Variants in CCDC18 observed in about 807,000 individuals in gnomAD.
CCDC18 encodes coiled-coil domain-containing protein 18.
Under a neutral mutation model 196.0 loss-of-function variants are expected in CCDC18, and 157 were observed. The observed-to-expected ratio is 0.80, with a 90% CI of 0.70 to 0.91. CCDC18 has a LOEUF of 0.91. Among genes scored for constraint, CCDC18 ranks in the 40% least tolerant of loss-of-function variants. The pLI is 0.00. For missense variants in CCDC18, 1,465 were observed against 1,611.6 expected (o/e 0.91, Z 1.56); for synonymous variants, 482 against 529.2 (o/e 0.91, Z 1.22).
intron 5 of CCDC18, 103 bp from the exon 6 acceptor site, chr1:93,193,513 A>T: frequency 1.4e-6 from 1 of 692,656 alleles, no homozygotes; most frequent in Non-Finnish European, 2.2e-6. Flanking sequence ...TGTTTCTCTT[A>T]ACTCATTGAT....
intron 28 of CCDC18, among the ~76,000 whole-genome samples, chr1:93,277,770 C>A (rs1048406461): frequency 6.6e-6 from 1 of 152,024 alleles, no homozygotes; most frequent in African/African-American, 2.4e-5. Context: ...TTGTCTCTGT[C>A]TGCTCTTTTT....
At chr1:93,196,048 T>C (rs1023516101) in intron 6 of CCDC18, among the ~76,000 whole-genome samples, 4 of 152,178 alleles carry the variant, frequency 2.6e-5, no homozygotes, top group African/African-American at 9.6e-5. Flanking sequence ...GCAGACTGGA[T>C]GCGGAGGCTA....
intron 1 of CCDC18, 85 bp downstream of exon 1, chr1:93,180,937 C>G: frequency 4.7e-6 from 6 of 1,271,760 alleles, no homozygotes; most frequent in Non-Finnish European, 6.3e-6. Flanking sequence ...GAGTTCTGTT[C>G]CTTTCCCTCC....
rs577209978 is a variant in CCDC18 at position 93,278,730 on chromosome 1, A to G, written c.*253A>G. 10 of 344,140 alleles carry G rather than the reference A, an allele frequency of 2.9e-5. No individual in the cohort carries two copies. The highest frequency in any genetic ancestry group is 1.5e-4 in the South Asian group (1 of 6,800). The allele number at this position is 344,140 out of a possible 1,614,324, so 21.3% of individuals were successfully genotyped here. A position where few individuals can be genotyped will look rare whatever the true frequency, so the allele number is the denominator to read the frequency against. ...TATATAAAAATCATTGTTAAAATGCATAAGTACATTGAGGAATGCAAATTT... is the reference window on the plus strand; with the variant it reads ...TATATAAAAATCATTGTTAAAATGCGTAAGTACATTGAGGAATGCAAATTT... On this transcript the variant is annotated 3_prime_UTR_variant, in exon 29 of 29. Coordinates refer to ENST00000690025, the MANE Select transcript of CCDC18 (RefSeq NM_001378204.1).
intron 23 of CCDC18, among the ~76,000 whole-genome samples, chr1:93,252,488 C>T (rs536569446): frequency 6.6e-6 from 1 of 151,610 alleles, no homozygotes; most frequent in East Asian, 1.9e-4. Flanking sequence ...TTATTTTATT[C>T]TCTGTTAAGT....
At chr1:93,258,537 A>T (rs941541931) in intron 25 of CCDC18, among the ~76,000 whole-genome samples, 7 of 152,184 alleles carry the variant, frequency 4.6e-5, no homozygotes, top group African/African-American at 1.7e-4. Flanking sequence ...CATCTATTTT[A>T]TGATGACAGC....
intron 1 of CCDC18, among the ~76,000 whole-genome samples, chr1:93,182,374 A>G (rs1649873023): frequency 6.6e-6 from 1 of 152,214 alleles, no homozygotes. Context: ...GAGCTTCTCT[A>G]AGTACATTGC....
rs1366033081 is a variant in CCDC18 at position 93,221,947 on chromosome 1, T to C, written c.2175+11T>C. ...GAAGAAACAATCAAGGCTAGTATGC[T>C]AATACTTTATTTTTCTTTCTTTCCT... is the stretch of plus-strand genomic sequence containing the variant. On this transcript the variant is annotated intron_variant, in intron 16 of 28. Transcript: ENST00000690025. 2 of 1,490,656 alleles carry C rather than the reference T, an allele frequency of 1.3e-6. No homozygotes were observed. Among genetic ancestry groups the C allele is most frequent in the Non-Finnish European group, 1.8e-6 (2 of 1,096,326 alleles). The allele number at this position is 1,490,656 out of a possible 1,614,324, so 92.3% of individuals were successfully genotyped here.
chr1:93,244,562 A>G (rs527944416), intron 21 of CCDC18, among the ~76,000 whole-genome samples: 1 of 152,284 alleles, frequency 6.6e-6, no homozygotes, highest in African/African-American at 2.4e-5. Flanking sequence ...AGGGGAAGGG[A>G]AAATGGAAAA....
At chr1:93,229,394 G>T (rs605759) in intron 17 of CCDC18, among the ~76,000 whole-genome samples, 30,033 of 152,024 alleles carry the variant, frequency 0.2, 3,413 homozygotes, top group African/African-American at 0.3. Flanking sequence ...TTCTAATGTT[G>T]GTTAATATAA....
chr1:93,224,887 T>C (rs1484940787), intron 16 of CCDC18, among the ~76,000 whole-genome samples: 1 of 152,226 alleles, frequency 6.6e-6, no homozygotes, highest in Admixed American at 6.5e-5. Flanking sequence ...CCATTCTCTT[T>C]CATAAAAAAG....
chr1:93,247,241 T>C (rs535503192), intron 23 of CCDC18, among the ~76,000 whole-genome samples: 2 of 152,136 alleles, frequency 1.3e-5, no homozygotes, highest in African/African-American at 4.8e-5. Context: ...TTTCACTTCT[T>C]TGATTAAATT....
At chr1:93,188,973 A>G (rs1035392569) in intron 4 of CCDC18, among the ~76,000 whole-genome samples, 1 of 152,192 alleles carries the variant, frequency 6.6e-6, no homozygotes, top group Non-Finnish European at 1.5e-5. Flanking sequence ...TTTGTGTTAT[A>G]AACAATCCAG....
At chr1:93,272,206 GT>G (rs1468813430) in intron 28 of CCDC18, among the ~76,000 whole-genome samples, 2 of 152,152 alleles carry the variant, frequency 1.3e-5, no homozygotes, top group African/African-American at 4.8e-5. Flanking sequence ...CTATCTACTT[GT>G]TTATTGATTG....
At chr1:93,234,975 CTTTTCTTTTT>C (rs1414580529) in intron 18 of CCDC18, among the ~76,000 whole-genome samples, 5 of 42,048 alleles carry the variant, frequency 1.2e-4, no homozygotes, top group African/African-American at 3.3e-4. Context: ...GTGTGTGTGG[CTTTTCTTTTT>C]TTTTCTTTTT....
chr1:93,256,239 G>T (rs1006021352), intron 24 of CCDC18, 96 bp from the exon 25 acceptor site: 1 of 1,011,080 alleles, frequency 9.9e-7, no homozygotes, highest in Admixed American at 2.3e-5. Context: ...GGATTTAGTT[G>T]GAAGGTGGAA....
chr1:93,275,434 G>A (rs1402615222), intron 28 of CCDC18, among the ~76,000 whole-genome samples: 1 of 152,188 alleles, frequency 6.6e-6, no homozygotes, highest in Non-Finnish European at 1.5e-5. Flanking sequence ...AAATTGGGAT[G>A]TAGAGCCATG....
At chr1:93,216,856 T>A in intron 13 of CCDC18, 110 bp downstream of exon 13, 1 of 586,572 alleles carries the variant, frequency 1.7e-6, no homozygotes, top group Non-Finnish European at 3.0e-6. Flanking sequence ...AAAGTATAAA[T>A]TCTACTAAAC....
chr1:93,194,982 T>C (rs1652466292), intron 6 of CCDC18, among the ~76,000 whole-genome samples: 1 of 152,148 alleles, frequency 6.6e-6, no homozygotes, highest in African/African-American at 2.4e-5. Flanking sequence ...GCAGTTCTTC[T>C]TTCTCAGCTT....
Sources: allele counts gnomAD v4.1 joint callset (sites outside exome capture counted in the v4.1 genomes callset), GRCh38; gene constraint gnomAD v4.1.1; transcripts MANE v1.5; gene names NCBI Gene and HGNC (gene_info 2026-07-23, HGNC 2026-07-21).